Variants in ZNF486 observed in about 807,000 individuals in gnomAD.
ZNF486 encodes zinc finger protein 486.
ZNF486 carries 12 observed loss-of-function variants against 12.8 expected under a neutral mutation model. The ratio of observed to expected loss-of-function variants is 0.94; its 90% CI spans 0.60 to 1.52. The LOEUF (loss-of-function observed/expected upper bound fraction) is 1.52, where lower values mean the gene tolerates loss of function less well. ZNF486 is among the 40% of genes most tolerant of loss of function. The pLI, the probability that ZNF486 is intolerant of heterozygous loss-of-function variation, is 0.00. For synonymous variants in ZNF486, 231 were observed against 184.9 expected, an observed-to-expected ratio of 1.25 and a Z score of -2.02; for missense variants, 738 against 545.0, an observed-to-expected ratio of 1.35 and a Z score of -3.53.
rs782300626 is a variant in ZNF486 at position 20,175,331 on chromosome 19, A to ATTTTTTTTTTTTTTTTTTTTTTTTTTT, written c.30+7990_30+7991insTTTTTTTTTTTTTTTTTTTTTTTTTTT. ...GGTGTCTGTTTCAGAAGCCCTATTA[A>ATTTTTTTTTTTTTTTTTTTTTTTTTTT]TTTTTTTTTTTTTTTTTTTATTGAT... On this transcript the variant is annotated intron_variant, in intron 1 of 3. Transcript: ENST00000335117. The ATTTTTTTTTTTTTTTTTTTTTTTTTTT allele has an allele frequency of 3.1e-4, 37 of 119,842 alleles. 1 individual carries two copies. Among genetic ancestry groups the ATTTTTTTTTTTTTTTTTTTTTTTTTTT allele is most frequent in the Non-Finnish European group, 4.2e-4 (25 of 59,644 alleles). 7.4% of individuals were successfully genotyped at this position (119,842 alleles called of 1,614,324 possible). A position where few individuals can be genotyped will look rare whatever the true frequency, so the allele number is the denominator to read the frequency against.
chr19:20,198,796 A>G lies in ZNF486; in HGVS notation c.*694A>G, dbSNP rs2089986325. ...CTCGGCTTCCTAAAGTGCTGGGATGACAGGCATGAGCCTCAATTCCCAGCC... is the reference window on the plus strand; with the variant it reads ...CTCGGCTTCCTAAAGTGCTGGGATGGCAGGCATGAGCCTCAATTCCCAGCC... On this transcript the variant is annotated 3_prime_UTR_variant, in exon 4 of 4. Transcript: ENST00000335117. The G allele has an allele frequency of 1.3e-5, 2 of 152,312 alleles. No individual in the cohort carries two copies. Among genetic ancestry groups the G allele is most frequent in the Admixed American group, 6.5e-5 (1 of 15,276 alleles). 9.4% of individuals were successfully genotyped at this position (152,312 alleles called of 1,614,324 possible). A position where few individuals can be genotyped will look rare whatever the true frequency, so the allele number is the denominator to read the frequency against.
At chr19:20,180,854 A>G (rs2089777129) in intron 1 of ZNF486, among the ~76,000 whole-genome samples, 2 of 152,162 alleles carry the variant, frequency 1.3e-5, no homozygotes, top group African/African-American at 2.4e-5. Flanking sequence ...TACCTTCTAA[A>G]GTGTACATAT....
At chr19:20,177,569 T>A (rs561365384) in intron 1 of ZNF486, among the ~76,000 whole-genome samples, 1 of 152,332 alleles carries the variant, frequency 6.6e-6, no homozygotes, top group Non-Finnish European at 1.5e-5. Flanking sequence ...TCAAGTTTAA[T>A]TGTAAAATAA....
At position 20,199,565 on chromosome 19, in the gene ZNF486, T is replaced by C. The variant is rs567710482; in HGVS notation, c.*1463T>C. ...GACCAAAACGGAGAAACCCAGTCTCTACTGAAAATATAAAATTAGCCATGC... is the reference window on the plus strand; with the variant it reads ...GACCAAAACGGAGAAACCCAGTCTCCACTGAAAATATAAAATTAGCCATGC... On this transcript the variant is annotated 3_prime_UTR_variant, in exon 4 of 4. Transcript: ENST00000335117. 7.2e-5 allele frequency: 11 copies of C among 152,112 alleles called. No homozygotes were observed. The East Asian group carries it at 1.2e-3, about 16-fold the overall frequency. 9.4% of individuals were successfully genotyped at this position (152,112 alleles called of 1,614,324 possible). A position where few individuals can be genotyped will look rare whatever the true frequency, so the allele number is the denominator to read the frequency against.
intron 1 of ZNF486, among the ~76,000 whole-genome samples, chr19:20,177,757 G>T (rs924372042): frequency 6.6e-6 from 1 of 152,028 alleles, no homozygotes; most frequent in African/African-American, 2.4e-5. Context: ...GTATTTTTTA[G>T]TAGAGAGGGG....
Position 20,197,006 on chromosome 19 carries a change from G to C in ZNF486, c.296G>C (p.Ser99Thr), listed in dbSNP as rs1049817018. ...HFAQDLWPEQ[S>T]IKDSYQKVIL... The stretch of plus-strand genomic sequence containing the variant: ...GCCCAAGACCTTTGGCCAGAGCAGA[G>C]CATAAAAGATTCTTACCAAAAAGTG... Residue 99 changes from serine to threonine, a missense_variant, in exon 4 of 4, where the codon AGC (serine) becomes ACC (threonine). Physicochemically the swap from Ser to Thr is moderately conservative, Grantham distance 58 (BLOSUM62 1). Transcript: ENST00000335117. 2.5e-6 allele frequency: 4 copies of C among 1,599,826 alleles called. No homozygotes were observed. The highest frequency in any genetic ancestry group is 1.1e-5 in the South Asian group (1 of 87,850).
At chr19:20,193,220 G>C (rs1426831845) in intron 3 of ZNF486, among the ~76,000 whole-genome samples, 1 of 150,750 alleles carries the variant, frequency 6.6e-6, no homozygotes, top group African/African-American at 2.4e-5. Context: ...TATTTTATAT[G>C]GTGTATCTAT....
At chr19:20,192,759 T>TA (rs1555717360) in intron 3 of ZNF486, among the ~76,000 whole-genome samples, 1 of 152,194 alleles carries the variant, frequency 6.6e-6, no homozygotes, top group Non-Finnish European at 1.5e-5. Flanking sequence ...CATCTATGTT[T>TA]TTTGTATTTT....
rs1488493701 is a variant in ZNF486, at chr19:20,199,792, C to T, written c.*1690C>T. ...TAATTACATTAAAAGTATACTTGTT[C>T]CAGCTGCGTGTGGTGGCTCATGCCT... On this transcript the variant is annotated 3_prime_UTR_variant, in exon 4 of 4. Coordinates refer to ENST00000335117, the MANE Select transcript of ZNF486 (RefSeq NM_052852.4). 1.3e-5 allele frequency: 2 copies of T among 151,000 alleles called. No homozygotes were observed. Among genetic ancestry groups the T allele is most frequent in the Non-Finnish European group, 2.9e-5 (2 of 67,806 alleles). 9.4% of individuals were successfully genotyped at this position (151,000 alleles called of 1,614,324 possible).
chr19:20,191,390 C>T (rs782625601), intron 3 of ZNF486, among the ~76,000 whole-genome samples: 1 of 149,916 alleles, frequency 6.7e-6, no homozygotes, highest in Non-Finnish European at 1.5e-5. Flanking sequence ...TGGCGTGAAT[C>T]TGGGAGGCGG....
rs558961336 is a variant in ZNF486 at position 20,171,986 on chromosome 19, C to CTT, written c.30+4637_30+4638dup. Among the ~76,000 whole-genome samples the CTT allele has an allele frequency of 1.8e-4, 26 of 144,656 alleles. 1 individual carries two copies. Among genetic ancestry groups the CTT allele is most frequent in the African/African-American group, 7.6e-5 (3 of 39,600 alleles). The allele number at this position is 144,656 out of a possible 152,430, so 94.9% of individuals were successfully genotyped here. ...GGTTTTCTGTTTCTACGTTAGTTTC[C>CTT]TTTTTTTTTTTTCCTTTCATTTTGT... On this transcript the variant is annotated intron_variant, in intron 1 of 3. Coordinates refer to ENST00000335117, the MANE Select transcript of ZNF486 (RefSeq NM_052852.4).
At chr19:20,175,530 ACT>A (rs782161190) in intron 1 of ZNF486, among the ~76,000 whole-genome samples, 2 of 150,306 alleles carry the variant, frequency 1.3e-5, no homozygotes, top group South Asian at 4.3e-4. Context: ...AGTGGTGATG[ACT>A]CTTAATGAGC....
intron 3 of ZNF486, among the ~76,000 whole-genome samples, chr19:20,193,673 A>C (rs1371147571): frequency 1.3e-5 from 2 of 152,164 alleles, no homozygotes; most frequent in Non-Finnish European, 2.9e-5. Context: ...AAAATAAAAA[A>C]AAATATGTCT....
At chr19:20,186,171 G>A (rs1310287996) in intron 3 of ZNF486, 89 bp downstream of exon 3, 1 of 919,440 alleles carries the variant, frequency 1.1e-6, no homozygotes, top group South Asian at 2.3e-5. Flanking sequence ...ATGTGATCTG[G>A]GAAGCTGTGT....
At chr19:20,183,414 C>G (rs1276791892) in intron 1 of ZNF486, among the ~76,000 whole-genome samples, 2 of 152,184 alleles carry the variant, frequency 1.3e-5, no homozygotes, top group Non-Finnish European at 2.9e-5. Context: ...TACCTGCTCT[C>G]TTGGGTGCTA....
At chr19:20,191,652 C>T (rs782291684) in intron 3 of ZNF486, among the ~76,000 whole-genome samples, 1 of 150,954 alleles carries the variant, frequency 6.6e-6, no homozygotes, top group Non-Finnish European at 1.5e-5. Context: ...CGCCTGTAGT[C>T]CCAGCTACTC....
chr19:20,169,149 T>TAATAAGC (rs1258774839), intron 1 of ZNF486, among the ~76,000 whole-genome samples: 3 of 152,164 alleles, frequency 2.0e-5, no homozygotes, highest in African/African-American at 7.2e-5. Flanking sequence ...AGTTTAGCTC[T>TAATAAGC]TATTACCCAG....
In ZNF486 at chr19:20,197,995, A is replaced by G; in HGVS notation, c.1285A>G (p.Thr429Ala). 6.2e-7 allele frequency: 1 copy of G among 1,613,804 alleles called. No homozygotes were observed. Residue 429 changes from threonine (T) to alanine (A), a missense_variant, in exon 4 of 4, where the codon ACT becomes GCT. By Grantham distance (58) the Thr-to-Ala change is moderately conservative. Transcript: ENST00000335117. Reference protein sequence around the residue: ...SNLTEHKTTHTGEKPYKCKEC... With the variant: ...SNLTEHKTTHAGEKPYKCKEC... The stretch of plus-strand genomic sequence containing the variant: ...TCTAACTGAACATAAGACAACTCAT[A>G]CTGGAGAGAAACCTTACAAATGTAA...
At chr19:20,177,052 C>G (rs2089726829) in intron 1 of ZNF486, 1 of 152,250 alleles carries the variant, frequency 6.6e-6, no homozygotes, top group African/African-American at 2.4e-5. Flanking sequence ...CCTGCAGGCT[C>G]TCCTCCTGCA....
Sources: allele counts gnomAD v4.1 joint callset (sites outside exome capture counted in the v4.1 genomes callset), GRCh38; gene constraint gnomAD v4.1.1; transcripts MANE v1.5; gene names NCBI Gene and HGNC (gene_info 2026-07-23, HGNC 2026-07-21).